Variants in PCP4L1 observed in about 807,000 individuals in gnomAD.
The protein encoded by PCP4L1 is Purkinje cell protein 4-like protein 1.
Under a neutral mutation model 9.6 loss-of-function variants are expected in PCP4L1, and 9 were observed. That is an observed-to-expected ratio of 0.94 (90% confidence interval 0.57 to 1.64). The LOEUF is 1.64. Ranked by LOEUF, PCP4L1 falls within the 40% of genes most tolerant of loss-of-function variation. PCP4L1 has a pLI of 0.00. For missense variants in PCP4L1, 81 were observed against 80.8 expected, an observed-to-expected ratio of 1.00 and a Z score of -0.01; for synonymous variants, 31 against 28.2, an observed-to-expected ratio of 1.10 and a Z score of -0.31.
intron 1 of PCP4L1, 62 bp downstream of exon 1, chr1:161,259,045 G>A: frequency 2.0e-6 from 3 of 1,517,388 alleles, no homozygotes; most frequent in Non-Finnish European, 2.6e-6. Context: ...CTGCGGCTCG[G>A]GATCCCAGGG....
At chr1:161,276,775 T>A (rs1215785719) in intron 1 of PCP4L1, among the ~76,000 whole-genome samples, 2 of 149,280 alleles carry the variant, frequency 1.3e-5, no homozygotes, top group African/African-American at 4.9e-5. Flanking sequence ...ATATAAAAAA[T>A]ATACATATAA....
chr1:161,269,703 T>A (rs1260871489), intron 1 of PCP4L1, among the ~76,000 whole-genome samples: 1 of 152,166 alleles, frequency 6.6e-6, no homozygotes, highest in Non-Finnish European at 1.5e-5. Flanking sequence ...TTTTAGGCCG[T>A]ATTAAGGATT....
intron 1 of PCP4L1, among the ~76,000 whole-genome samples, chr1:161,260,127 A>G (rs1470699362): frequency 1.3e-5 from 2 of 152,192 alleles, no homozygotes; most frequent in South Asian, 4.1e-4. Flanking sequence ...TCCCAAAGAC[A>G]TTAGATTACT....
intron 1 of PCP4L1, among the ~76,000 whole-genome samples, chr1:161,268,441 C>T (rs1453223476): frequency 6.6e-6 from 1 of 152,034 alleles, no homozygotes; most frequent in East Asian, 1.9e-4. Context: ...AGCATCTTGA[C>T]CTAAACCTAT....
chr1:161,279,551 C>A (rs967845597), intron 1 of PCP4L1, among the ~76,000 whole-genome samples: 3 of 152,220 alleles, frequency 2.0e-5, no homozygotes, highest in African/African-American at 7.2e-5. Flanking sequence ...CAAAGCAGAA[C>A]CCTTACGTCT....
At chr1:161,268,830 T>G (rs775310912) in intron 1 of PCP4L1, among the ~76,000 whole-genome samples, 1 of 152,216 alleles carries the variant, frequency 6.6e-6, no homozygotes, top group Non-Finnish European at 1.5e-5. Context: ...ATTACAGGCG[T>G]GAGCCACCAT....
chr1:161,280,438 C>A (rs1669774560), intron 1 of PCP4L1, among the ~76,000 whole-genome samples: 1 of 152,206 alleles, frequency 6.6e-6, no homozygotes. Flanking sequence ...CACAAACATT[C>A]TGTAATTTCT....
chr1:161,265,888 A>C (rs773950346), intron 1 of PCP4L1, among the ~76,000 whole-genome samples: 18 of 151,500 alleles, frequency 1.2e-4, no homozygotes, highest in Non-Finnish European at 2.2e-4. Context: ...CAGGCACCCA[A>C]CACCACGCCC....
At chr1:161,263,899 CTTTTTTTTTTTTTTTTTT>C (rs1160429112) in intron 1 of PCP4L1, among the ~76,000 whole-genome samples, 10 of 70,768 alleles carry the variant, frequency 1.4e-4, no homozygotes, top group Non-Finnish European at 2.6e-4. Context: ...ACTTTCTTTC[CTTTTTTTTTTTTTTTTTT>C]TTTTTTTTTT....
Position 161,258,961 on chromosome 1 carries a change from G to C in PCP4L1, c.-14G>C, listed in dbSNP as rs1669369878. 2.0e-6 allele frequency: 3 copies of C among 1,534,354 alleles called. No individual in the cohort carries two copies. Among genetic ancestry groups the C allele is most frequent in the South Asian group, 2.4e-5 (2 of 83,958 alleles). Reference sequence around the variant, plus strand: ...GTGCGTGCAGCGCCTCGCGCGCCCTGTCCGGCTGCGGAGATGAGCGAGGTG... The same window carrying C: ...GTGCGTGCAGCGCCTCGCGCGCCCTCTCCGGCTGCGGAGATGAGCGAGGTG... On this transcript the variant is annotated 5_prime_UTR_variant, in exon 1 of 3. Transcript: ENST00000504449.
intron 1 of PCP4L1, among the ~76,000 whole-genome samples, chr1:161,271,105 T>G (rs1031371534): frequency 1.3e-5 from 2 of 152,240 alleles, no homozygotes; most frequent in Non-Finnish European, 2.9e-5. Context: ...GCAATAGGAT[T>G]GCTGGTTGGT....
rs570922436 is a variant in PCP4L1, at chr1:161,259,120, C to T, written c.9+137C>T. ...CCTCCAGGGGCGCCCCACTGCCCTC[C>T]TAGGAAAGCTCCCACCTCGGGGCGC... On this transcript the variant is annotated intron_variant, in intron 1 of 2. Coordinates refer to ENST00000504449, the MANE Select transcript of PCP4L1 (RefSeq NM_001102566.2). 185 of 1,275,826 alleles carry T rather than the reference C, an allele frequency of 1.5e-4. 4 individuals carry two copies. In the East Asian group the frequency reaches 3.6e-3, roughly 25 times the overall value. 79.0% of individuals were successfully genotyped at this position (1,275,826 alleles called of 1,614,324 possible). A position where few individuals can be genotyped will look rare whatever the true frequency, so the allele number is the denominator to read the frequency against.
chr1:161,278,719 A>G (rs182141698), intron 1 of PCP4L1, among the ~76,000 whole-genome samples: 7 of 152,278 alleles, frequency 4.6e-5, no homozygotes, highest in African/African-American at 9.6e-5. Flanking sequence ...TATTCTGGCT[A>G]TCTACCTAAC....
rs1052781673 is a variant in PCP4L1 at position 161,266,453 on chromosome 1, C to T, written c.9+7470C>T. On this transcript the variant is annotated intron_variant, in intron 1 of 2. Transcript: ENST00000504449. ...GTGTGCAGAGCACCACAAATAACCACTCATTAAACTGTGGCAGCCCATGCT... is the reference window on the plus strand; with the variant it reads ...GTGTGCAGAGCACCACAAATAACCATTCATTAAACTGTGGCAGCCCATGCT... Among the ~76,000 whole-genome samples the T allele has an allele frequency of 3.7e-4, 56 of 152,192 alleles. 1 individual carries two copies. The highest frequency in any genetic ancestry group is 1.3e-3 in the African/African-American group (53 of 41,446).
intron 1 of PCP4L1, among the ~76,000 whole-genome samples, chr1:161,269,466 G>A (rs1302823605): frequency 6.6e-6 from 1 of 152,146 alleles, no homozygotes; most frequent in African/African-American, 2.4e-5. Context: ...TTTGATTTCA[G>A]AAGTTTAGAT....
intron 1 of PCP4L1, among the ~76,000 whole-genome samples, chr1:161,271,866 A>G (rs1669629706): frequency 6.6e-6 from 1 of 151,550 alleles, no homozygotes; most frequent in African/African-American, 2.4e-5. Flanking sequence ...GTGCAGTGGC[A>G]TGATCATAGC....
intron 1 of PCP4L1, among the ~76,000 whole-genome samples, chr1:161,276,904 A>G (rs1173983766): frequency 6.6e-6 from 1 of 152,114 alleles, no homozygotes; most frequent in Non-Finnish European, 1.5e-5. Context: ...TTTTTTTCTA[A>G]ATTATTATTT....
chr1:161,276,715 GTA>G (rs957315797), intron 1 of PCP4L1, among the ~76,000 whole-genome samples: 13 of 106,012 alleles, frequency 1.2e-4, no homozygotes, highest in African/African-American at 4.5e-4. Flanking sequence ...GTGTGTGTGT[GTA>G]TATATATATG....
At position 161,258,940 on chromosome 1, in the gene PCP4L1, G is replaced by A. The variant is rs1207952910; in HGVS notation, c.-35G>A. 1.3e-6 allele frequency: 2 copies of A among 1,534,784 alleles called. No homozygotes were observed. The highest frequency in any genetic ancestry group is 2.4e-5 in the East Asian group (1 of 40,876). Reference sequence around the variant, plus strand: ...CGAGGGCCACTCGCCTCACCTGTGCGTGCAGCGCCTCGCGCGCCCTGTCCG... The same window carrying A: ...CGAGGGCCACTCGCCTCACCTGTGCATGCAGCGCCTCGCGCGCCCTGTCCG... On this transcript the variant is annotated 5_prime_UTR_variant, in exon 1 of 3. It adds an upstream start codon to the 5' untranslated region. Transcript: ENST00000504449.
Sources: gnomAD v4.1 joint callset for allele counts (sites outside exome capture counted in the v4.1 genomes callset) on GRCh38, gnomAD v4.1.1 for gene constraint, MANE v1.5 for transcripts, NCBI Gene and HGNC (gene_info 2026-07-23, HGNC 2026-07-21) for gene names.